The following WDR11 variants were observed in gnomAD, a reference collection of about 807,000 sequenced individuals.
WDR11 encodes WD repeat domain 11.
In WDR11, 83 loss-of-function variants were observed where a neutral mutation model predicts 151.2. The ratio of observed to expected loss-of-function variants is 0.55; its 90% CI spans 0.46 to 0.66. The LOEUF (loss-of-function observed/expected upper bound fraction) is 0.66, where lower values mean the gene tolerates loss of function less well. Among genes scored for constraint, WDR11 ranks in the 30% least tolerant of loss-of-function variants. The pLI, the probability that WDR11 is intolerant of heterozygous loss-of-function variation, is 0.00. For synonymous variants in WDR11, 484 were observed against 533.1 expected (o/e 0.91, Z 1.27); for missense variants, 1,301 against 1,480.9 (o/e 0.88, Z 1.99).
intron 1 of WDR11, 125 bp downstream of exon 1, chr10:120,851,631 C>G: frequency 8.7e-7 from 1 of 1,154,006 alleles, no homozygotes; most frequent in Non-Finnish European, 1.2e-6. Context: ...CGCCCTCACG[C>G]AATGAGCTTG....
At chr10:120,852,261 G>A (rs913147840) in intron 1 of WDR11, 1 of 427,128 alleles carries the variant, frequency 2.3e-6, no homozygotes, top group South Asian at 2.2e-5. Context: ...GAGGGCACAA[G>A]TTCCTTTTTA....
At position 120,904,127 on chromosome 10, in the gene WDR11, A is replaced by G. The variant is rs768066351; in HGVS notation, c.3012A>G (p.Leu1004=). Residue 1004 remains leucine, a synonymous_variant, in exon 24 of 29, where the codon CTA becomes CTG. Coordinates refer to ENST00000263461, the MANE Select transcript of WDR11 (RefSeq NM_018117.12). ...YDHTRKCTDQ[L]LLLGQTDRAV... is the part of the protein sequence containing the mutation. ...ATACAAGGAAATGTACAGACCAGCT[A>G]CTGCTCTTGGGTCAAGTATGTCAGT... 2.5e-6 allele frequency: 4 copies of G among 1,612,858 alleles called. No homozygotes were observed. The highest frequency in any genetic ancestry group is 3.4e-6 in the Non-Finnish European group (4 of 1,179,092).
intron 14 of WDR11, chr10:120,884,877 A>G (rs995370436): frequency 3.3e-5 from 5 of 152,226 alleles, no homozygotes; most frequent in African/African-American, 1.2e-4. Context: ...GTTTTCAGAG[A>G]TGTTCAAACC....
In WDR11 at chr10:120,890,907, G is replaced by C; in HGVS notation, c.2515+20G>C. ...TAACCGGTATGGAATCCTAATGATAGGGGGCTTTGAAACCTGTCTTTACTT... is the reference window on the plus strand; with the variant it reads ...TAACCGGTATGGAATCCTAATGATACGGGGCTTTGAAACCTGTCTTTACTT... On this transcript the variant is annotated intron_variant, in intron 19 of 28. Transcript: ENST00000263461. 1 of 1,613,740 alleles carries C rather than the reference G, an allele frequency of 6.2e-7. No homozygotes were observed. Among genetic ancestry groups the C allele is most frequent in the East Asian group, 2.2e-5 (1 of 44,864 alleles).
rs3816172 is a variant in WDR11 at position 120,900,341 on chromosome 10, G to C, written c.2624+204G>C. ...TGTGGGTCAGTGAGGAGCTGTGAGG[G>C]CGTGTATTGCTCTCAGGTGGCTGTG... On this transcript the variant is annotated intron_variant, in intron 20 of 28. Transcript: ENST00000263461. Among the ~76,000 whole-genome samples the C allele has an allele frequency of 0.37, 56,499 of 151,826 alleles. 10,606 individuals carry two copies. Among genetic ancestry groups the C allele is most frequent in the Admixed American group, 0.44 (6,689 of 15,234 alleles).
At chr10:120,891,310 T>G (rs1319466841) in intron 19 of WDR11, among the ~76,000 whole-genome samples, 1 of 152,196 alleles carries the variant, frequency 6.6e-6, no homozygotes, top group Non-Finnish European at 1.5e-5. Flanking sequence ...GTTCTGAGTA[T>G]TATGAATTTT....
At chr10:120,866,469 A>G in intron 7 of WDR11, 100 bp from the exon 8 acceptor site, 11 of 1,337,938 alleles carry the variant, frequency 8.2e-6, no homozygotes, top group Middle Eastern at 1.9e-4. Context: ...TTCATGAAGG[A>G]GTGATGCCCA....
intron 9 of WDR11, among the ~76,000 whole-genome samples, chr10:120,870,276 A>G (rs542365347): frequency 1.2e-4 from 18 of 152,330 alleles, no homozygotes; most frequent in Admixed American, 6.5e-4. Flanking sequence ...GTAATTATTT[A>G]TACTTTTCCT....
chr10:120,890,576 G>A, intron 18 of WDR11, 140 bp from the exon 19 acceptor site: 1 of 922,192 alleles, frequency 1.1e-6, no homozygotes, highest in Non-Finnish European at 1.8e-6. Context: ...CCTATTTGTG[G>A]AAGATAGATT....
At chr10:120,859,687 C>A (rs142534013) in intron 3 of WDR11, among the ~76,000 whole-genome samples, 294 of 152,092 alleles carry the variant, frequency 1.9e-3, no homozygotes, top group Non-Finnish European at 3.2e-3. Flanking sequence ...TGAACTAGAT[C>A]TTTGCATATT....
chr10:120,861,697 C>T (rs1396137665), intron 4 of WDR11, among the ~76,000 whole-genome samples: 1 of 152,132 alleles, frequency 6.6e-6, no homozygotes, highest in Non-Finnish European at 1.5e-5. Flanking sequence ...CATCCTTTTT[C>T]CCTGTGTTTA....
chr10:120,893,309 C>T (rs1158905586), intron 19 of WDR11, among the ~76,000 whole-genome samples: 1 of 152,086 alleles, frequency 6.6e-6, no homozygotes, highest in African/African-American at 2.4e-5. Context: ...ATGATGATTT[C>T]CAGCTTCATC....
chr10:120,878,603 T>C, intron 12 of WDR11, 144 bp downstream of exon 12: 1 of 673,668 alleles, frequency 1.5e-6, no homozygotes, highest in Non-Finnish European at 2.5e-6. Flanking sequence ...TCTCTAATAA[T>C]TGCCCTAGAA....
At chr10:120,895,479 G>C (rs568141317) in intron 19 of WDR11, among the ~76,000 whole-genome samples, 2 of 151,422 alleles carry the variant, frequency 1.3e-5, no homozygotes, top group African/African-American at 4.8e-5. Flanking sequence ...TTATAGCCCA[G>C]ATGTAAAAGA....
At chr10:120,905,174 A>T (rs1187476026) in intron 25 of WDR11, 145 bp from the exon 26 acceptor site, 2 of 803,370 alleles carry the variant, frequency 2.5e-6, no homozygotes, top group Non-Finnish European at 4.2e-6. Context: ...TCTTAATATT[A>T]TGTTTCAGAA....
intron 10 of WDR11, 138 bp downstream of exon 10, chr10:120,871,484 T>C: frequency 2.5e-6 from 2 of 799,378 alleles, no homozygotes; most frequent in Non-Finnish European, 3.6e-6. Flanking sequence ...TAAATACTCA[T>C]CCTGGAACTT....
At chr10:120,900,908 A>G in intron 20 of WDR11, 128 bp from the exon 21 acceptor site, 4 of 705,868 alleles carry the variant, frequency 5.7e-6, no homozygotes, top group Non-Finnish European at 1.0e-5. Context: ...ATTTTGGTCT[A>G]TAACCAGGTT....
chr10:120,906,185 TCATTA>T (rs1848037309), intron 27 of WDR11, 164 bp downstream of exon 27: 4 of 1,515,500 alleles, frequency 2.6e-6, no homozygotes, highest in African/African-American at 1.4e-5. Flanking sequence ...CTGTCCGTAT[TCATTA>T]CATCTTCATT....
chr10:120,877,763 T>C (rs1252934230), intron 11 of WDR11, among the ~76,000 whole-genome samples: 1 of 152,226 alleles, frequency 6.6e-6, no homozygotes, highest in East Asian at 1.9e-4. Flanking sequence ...TTTTATTAAG[T>C]GTGTTTTTAA....
Sources: gnomAD v4.1 joint callset for allele counts (sites outside exome capture counted in the v4.1 genomes callset) on GRCh38, gnomAD v4.1.1 for gene constraint, MANE v1.5 for transcripts, NCBI Gene and HGNC (gene_info 2026-07-23, HGNC 2026-07-21) for gene names.